FAAH2: variants seen among roughly 807,000 people sequenced by gnomAD.
FAAH2 encodes the protein fatty-acid amide hydrolase 2.
A neutral mutation model predicts 36.9 loss-of-function variants in FAAH2; 60 were observed. The observed-to-expected ratio is 1.63, with a 90% CI of 1.32 to 2.02. The LOEUF (loss-of-function observed/expected upper bound fraction) is 2.02. Ranked by LOEUF, FAAH2 falls within the 30% of genes most tolerant of loss-of-function variation. The pLI is 0.00. For synonymous variants in FAAH2, 214 were observed against 143.8 expected, an observed-to-expected ratio of 1.49 and a Z score of -3.49; for missense variants, 689 against 397.5, an observed-to-expected ratio of 1.73 and a Z score of -6.23.
intron 7 of FAAH2, among the ~76,000 whole-genome samples, chrX:57,413,307 T>C (rs2055750902): frequency 8.9e-6 from 1 of 112,484 alleles, no homozygotes; most frequent in African/African-American, 3.2e-5. Flanking sequence ...CATGCCTAAG[T>C]CCTGAATGGT....
chrX:57,240,782 G>A, the FAAH2 span, among the ~76,000 whole-genome samples: 2 of 112,166 alleles, frequency 1.8e-5, no homozygotes, highest in Non-Finnish European at 3.8e-5. Flanking sequence ...CAGTGTAGGA[G>A]CTATGAAGTT....
At chrX:57,195,052 G>T in the FAAH2 span, among the ~76,000 whole-genome samples, 758 of 110,741 alleles carry the variant, frequency 6.8e-3, 5 homozygotes, top group Middle Eastern at 0.014. Context: ...TTTTGTAATT[G>T]CAAATTCTGC....
chrX:57,393,508 A>G, intron 7 of FAAH2: 1 of 973,161 alleles, frequency 1.0e-6, no homozygotes, highest in Non-Finnish European at 1.5e-6. Context: ...TGATAGAGGA[A>G]TTGCCGTGTG....
intron 7 of FAAH2, among the ~76,000 whole-genome samples, chrX:57,426,408 G>A (rs1007799468): frequency 4.5e-5 from 5 of 111,702 alleles, no homozygotes; most frequent in South Asian, 3.7e-4. Context: ...AGACCAAGTA[G>A]ACCTAATAGA....
intron 8 of FAAH2, among the ~76,000 whole-genome samples, chrX:57,443,283 C>T (rs2056603360): frequency 8.9e-6 from 1 of 111,761 alleles, no homozygotes; most frequent in Non-Finnish European, 1.9e-5. Context: ...CACATAGTCC[C>T]ATATTTCTTG....
At chrX:57,213,230 G>A in the FAAH2 span, among the ~76,000 whole-genome samples, 1 of 111,210 alleles carries the variant, frequency 9.0e-6, no homozygotes, top group Non-Finnish European at 1.9e-5. Context: ...CTTTTCTTGG[G>A]TGGTCTAGCT....
chrX:57,273,550 T>A, the FAAH2 span, among the ~76,000 whole-genome samples: 3 of 111,888 alleles, frequency 2.7e-5, no homozygotes, highest in Non-Finnish European at 5.6e-5. Context: ...ATGGAAATCA[T>A]AACAAACTGT....
chrX:57,159,383 A>T, the FAAH2 span, among the ~76,000 whole-genome samples: 1 of 111,833 alleles, frequency 8.9e-6, no homozygotes, highest in Non-Finnish European at 1.9e-5. Flanking sequence ...GAAGAAAGTC[A>T]TTGGTAGCTT....
chrX:57,309,034 C>A (rs2052620085), intron 2 of FAAH2, among the ~76,000 whole-genome samples: 1 of 111,515 alleles, frequency 9.0e-6, no homozygotes, highest in South Asian at 3.7e-4. Context: ...TTCCAGTGAG[C>A]CCAAAGATAT....
At chrX:57,439,311 G>A (rs2056490337) in intron 8 of FAAH2, among the ~76,000 whole-genome samples, 2 of 110,563 alleles carry the variant, frequency 1.8e-5, no homozygotes, top group Admixed American at 9.6e-5. Context: ...GTGTGAGATG[G>A]TATCTCATTG....
chrX:57,231,197 C>T, the FAAH2 span, among the ~76,000 whole-genome samples: 2 of 110,088 alleles, frequency 1.8e-5, no homozygotes, highest in African/African-American at 6.6e-5. Context: ...ATTACAGCTT[C>T]CGTTTGGTTC....
At chrX:57,351,445 CT>C (rs1462089054) in intron 5 of FAAH2, among the ~76,000 whole-genome samples, 1 of 110,822 alleles carries the variant, frequency 9.0e-6, no homozygotes, top group African/African-American at 3.3e-5. Context: ...AAAGCCTGAA[CT>C]AATCAAGATT....
the FAAH2 span, among the ~76,000 whole-genome samples, chrX:57,202,892 T>C: frequency 8.9e-6 from 1 of 111,855 alleles, no homozygotes; most frequent in Non-Finnish European, 1.9e-5. Context: ...TTCTGGAGAC[T>C]GAAAAGCCTC....
chrX:57,432,612 C>A lies in FAAH2; in HGVS notation c.1116+575C>A, dbSNP rs751044774. ...CTGATACAGGTACTTGTGAAAGAAGCTTCCCTTATGCCAGGTTTTTTCAGG... is the reference window on the plus strand; with the variant it reads ...CTGATACAGGTACTTGTGAAAGAAGATTCCCTTATGCCAGGTTTTTTCAGG... On this transcript the variant is annotated intron_variant, in intron 8 of 10. Coordinates refer to ENST00000374900, the MANE Select transcript of FAAH2 (RefSeq NM_174912.4). Among the ~76,000 whole-genome samples the A allele has an allele frequency of 5.4e-5, 6 of 111,552 alleles. No homozygotes were observed. In the East Asian group the frequency reaches 1.7e-3, roughly 31 times the overall value.
At chrX:57,460,181 A>T (rs2056933314) in intron 10 of FAAH2, among the ~76,000 whole-genome samples, 1 of 111,969 alleles carries the variant, frequency 8.9e-6, no homozygotes, top group Admixed American at 9.4e-5. Context: ...CCTACGATGG[A>T]TTGGGGTCCC....
At chrX:57,128,963 T>C in the FAAH2 span, among the ~76,000 whole-genome samples, 1 of 111,954 alleles carries the variant, frequency 8.9e-6, no homozygotes, top group Non-Finnish European at 1.9e-5. Flanking sequence ...ACAGGTGATA[T>C]TTGAGTTAAG....
chrX:57,402,394 G>C (rs2055460012), intron 7 of FAAH2, among the ~76,000 whole-genome samples: 1 of 111,949 alleles, frequency 8.9e-6, no homozygotes, highest in African/African-American at 3.3e-5. Flanking sequence ...CCACTTGCCT[G>C]AGTGCCATGA....
intron 10 of FAAH2, among the ~76,000 whole-genome samples, chrX:57,487,579 C>T (rs1476865940): frequency 3.6e-5 from 4 of 112,056 alleles, no homozygotes; most frequent in African/African-American, 1.3e-4. Flanking sequence ...AAGGAGTTAT[C>T]AATGCACATT....
the FAAH2 span, among the ~76,000 whole-genome samples, chrX:57,281,178 G>A: frequency 3.6e-5 from 4 of 111,533 alleles, no homozygotes; most frequent in Non-Finnish European, 3.8e-5. Flanking sequence ...CTTATTTGGA[G>A]GATGTTACCA....
Sources: gnomAD v4.1 joint callset for allele counts (sites outside exome capture counted in the v4.1 genomes callset) on GRCh38, gnomAD v4.1.1 for gene constraint, MANE v1.5 for transcripts, NCBI Gene and HGNC (gene_info 2026-07-23, HGNC 2026-07-21) for gene names.